Variants in GXYLT1 observed in about 807,000 individuals in gnomAD.
The protein encoded by GXYLT1 is glycosyltransferase 8 domain containing 3.
Under a neutral mutation model 54.0 loss-of-function variants are expected in GXYLT1, and 29 were observed. The observed-to-expected ratio is 0.54, with a 90% CI of 0.40 to 0.73. The LOEUF (loss-of-function observed/expected upper bound fraction) is 0.73, where lower values mean the gene tolerates loss of function less well. GXYLT1 is among the 30% of genes least tolerant of loss of function. GXYLT1 has a pLI of 0.00. For synonymous variants in GXYLT1, 176 were observed against 204.1 expected, an observed-to-expected ratio of 0.86 and a Z score of 1.17; for missense variants, 490 against 553.4, an observed-to-expected ratio of 0.89 and a Z score of 1.15.
At chr12:42,142,093 T>C (rs566166787) in intron 1 of GXYLT1, among the ~76,000 whole-genome samples, 13 of 152,284 alleles carry the variant, frequency 8.5e-5, no homozygotes, top group African/African-American at 3.1e-4. Context: ...AAAAATGCAA[T>C]AATACCTAAG....
At chr12:42,121,146 C>T (rs1430058710) in intron 2 of GXYLT1, among the ~76,000 whole-genome samples, 4 of 152,180 alleles carry the variant, frequency 2.6e-5, no homozygotes, top group African/African-American at 7.2e-5. Context: ...GCCTCCAGAT[C>T]CTACTTGTCA....
chr12:42,116,273 G>A (rs1202601699), intron 3 of GXYLT1, among the ~76,000 whole-genome samples: 1 of 152,212 alleles, frequency 6.6e-6, no homozygotes, highest in East Asian at 1.9e-4. Context: ...AGCCAAAATT[G>A]ACAAATGGGA....
Position 42,086,195 on chromosome 12 carries a change from T to A in GXYLT1, c.*1591A>T, listed in dbSNP as rs1469828299. On this transcript the variant is annotated 3_prime_UTR_variant, in exon 8 of 8. Coordinates refer to ENST00000398675, the MANE Select transcript of GXYLT1 (RefSeq NM_173601.2). Reference sequence around the variant, plus strand: ...AGCTCAATTTCACAGTTTCTTATATTCACCATGGCATTCTGCCAAGGAACT... The same window carrying A: ...AGCTCAATTTCACAGTTTCTTATATACACCATGGCATTCTGCCAAGGAACT... 1 of 148,286 alleles carries A rather than the reference T, an allele frequency of 6.7e-6. No individual in the cohort carries two copies. Among genetic ancestry groups the A allele is most frequent in the Non-Finnish European group, 1.5e-5 (1 of 66,676 alleles). The allele number at this position is 148,286 out of a possible 1,614,324, so 9.2% of individuals were successfully genotyped here.
chr12:42,117,374 G>T (rs1189363454), intron 3 of GXYLT1, among the ~76,000 whole-genome samples: 10 of 151,704 alleles, frequency 6.6e-5, no homozygotes, highest in Non-Finnish European at 1.5e-4. Context: ...TAAACAGTAA[G>T]AAGGTATACT....
At position 42,144,682 on chromosome 12, in the gene GXYLT1, GCGC is replaced by G. The variant is rs772219843; in HGVS notation, c.-39_-37del. ...GCGCTCCTCCTTCGCCGCCGCCGCCGCGCCCGCCCCGACGAACTGGAGCGGAGG... is the reference window on the plus strand; with the variant it reads ...GCGCTCCTCCTTCGCCGCCGCCGCCGCCGCCCCGACGAACTGGAGCGGAGG... On this transcript the variant is annotated 5_prime_UTR_variant, in exon 1 of 8. Coordinates refer to ENST00000398675, the MANE Select transcript of GXYLT1 (RefSeq NM_173601.2). The G allele has an allele frequency of 3.0e-5, 41 of 1,371,584 alleles. No individual in the cohort carries two copies. Among genetic ancestry groups the G allele is most frequent in the South Asian group, 3.0e-5 (2 of 66,020 alleles). 85.0% of individuals were successfully genotyped at this position (1,371,584 alleles called of 1,614,324 possible).
rs1391248654 is a variant in GXYLT1 at position 42,082,412 on chromosome 12, A to G, written c.*5374T>C. On this transcript the variant is annotated 3_prime_UTR_variant, in exon 8 of 8. Transcript: ENST00000398675. ...GGATTATTTTTGCCTGACAAAAATAATATTCCAATATTCCCTGAAGAGGTT... is the reference window on the plus strand; with the variant it reads ...GGATTATTTTTGCCTGACAAAAATAGTATTCCAATATTCCCTGAAGAGGTT... 6.6e-6 allele frequency: 1 copy of G among 152,240 alleles called. No individual in the cohort carries two copies. The highest frequency in any genetic ancestry group is 1.5e-5 in the Non-Finnish European group (1 of 68,050). 9.4% of individuals were successfully genotyped at this position (152,240 alleles called of 1,614,324 possible).
At chr12:42,098,784 T>TATATATATATATATAAAA (rs1017764424) in intron 5 of GXYLT1, among the ~76,000 whole-genome samples, 1 of 134,416 alleles carries the variant, frequency 7.4e-6, no homozygotes, top group Admixed American at 7.5e-5. Flanking sequence ...TATATATATA[T>TATATATATATATATAAAA]AATACATGTG....
At chr12:42,120,296 T>C (rs754408393) in intron 2 of GXYLT1, among the ~76,000 whole-genome samples, 11 of 152,144 alleles carry the variant, frequency 7.2e-5, no homozygotes, top group Non-Finnish European at 1.6e-4. Context: ...CAAGAAAAAA[T>C]GTCCTTCACA....
At chr12:42,097,342 G>C (rs1368602716) in intron 7 of GXYLT1, 100 bp downstream of exon 7, 1 of 841,268 alleles carries the variant, frequency 1.2e-6, no homozygotes. Flanking sequence ...AGATGAGGCT[G>C]AGTGTGTGTA....
At chr12:42,114,228 G>C (rs1440946463) in intron 3 of GXYLT1, among the ~76,000 whole-genome samples, 1 of 152,120 alleles carries the variant, frequency 6.6e-6, no homozygotes, top group African/African-American at 2.4e-5. Flanking sequence ...AGCTAGAAAA[G>C]CAAGAGCAAA....
chr12:42,118,479 C>T (rs192862198), intron 3 of GXYLT1, among the ~76,000 whole-genome samples: 10 of 152,308 alleles, frequency 6.6e-5, no homozygotes, highest in Admixed American at 2.6e-4. Context: ...CACGTTAGAT[C>T]TGGACTCAGA....
At chr12:42,117,878 G>C (rs1242562845) in intron 3 of GXYLT1, among the ~76,000 whole-genome samples, 1 of 152,050 alleles carries the variant, frequency 6.6e-6, no homozygotes, top group Non-Finnish European at 1.5e-5. Flanking sequence ...CAGACCAATG[G>C]GATACTGGCA....
chr12:42,121,319 T>C lies in GXYLT1; in HGVS notation c.315-2148A>G, dbSNP rs552561422. ...ATCAGCTATATACACAGACAAGAAG[T>C]ATATTAAACCTAAAGAAACATTAGC... is the stretch of plus-strand genomic sequence containing the variant. On this transcript the variant is annotated intron_variant, in intron 2 of 7. Transcript: ENST00000398675. Among the ~76,000 whole-genome samples, 10 of 152,216 alleles carry C rather than the reference T, an allele frequency of 6.6e-5. No homozygotes were observed. In the East Asian group the frequency reaches 1.9e-3, roughly 29 times the overall value.
chr12:42,110,470 A>G (rs2065446706), intron 3 of GXYLT1, among the ~76,000 whole-genome samples: 1 of 152,242 alleles, frequency 6.6e-6, no homozygotes, highest in Non-Finnish European at 1.5e-5. Flanking sequence ...TCATTTCTAA[A>G]ACACTAATAT....
At position 42,144,665 on chromosome 12, in the gene GXYLT1, C is replaced by A; in HGVS notation, c.-19G>T. 2 of 1,409,048 alleles carry A rather than the reference C, an allele frequency of 1.4e-6. No homozygotes were observed. Among genetic ancestry groups the A allele is most frequent in the Non-Finnish European group, 9.3e-7 (1 of 1,076,642 alleles). 87.3% of individuals were successfully genotyped at this position (1,409,048 alleles called of 1,614,324 possible). ...GCCGCATCGCCCCGGCCGCGCTCCT[C>A]CTTCGCCGCCGCCGCCGCGCCCGCC... On this transcript the variant is annotated 5_prime_UTR_variant, in exon 1 of 8. Transcript: ENST00000398675.
intron 2 of GXYLT1, among the ~76,000 whole-genome samples, chr12:42,122,576 C>T (rs1203889588): frequency 3.3e-5 from 5 of 151,732 alleles, no homozygotes; most frequent in African/African-American, 4.8e-5. Context: ...GGCAACAGAG[C>T]GAGACTCTTT....
rs1331762303 is a variant in GXYLT1 at position 42,085,430 on chromosome 12, A to C, written c.*2356T>G. 1 of 152,286 alleles carries C rather than the reference A, an allele frequency of 6.6e-6. No individual in the cohort carries two copies. The highest frequency in any genetic ancestry group is 1.5e-5 in the Non-Finnish European group (1 of 68,050). The allele number at this position is 152,286 out of a possible 1,614,324, so 9.4% of individuals were successfully genotyped here. Reference sequence around the variant, plus strand: ...CCCATGGGGCTGAGATTCTCCGTTCACTGAGGAAATTTTATCTTATCAAAC... The same window carrying C: ...CCCATGGGGCTGAGATTCTCCGTTCCCTGAGGAAATTTTATCTTATCAAAC... On this transcript the variant is annotated 3_prime_UTR_variant, in exon 8 of 8. Transcript: ENST00000398675.
rs540787438 is a variant in GXYLT1, at chr12:42,089,921, G to A, written c.1162-1974C>T. The stretch of plus-strand genomic sequence containing the variant: ...AAAAAACACTTGAACAACTGGTTGA[G>A]TGGCAGAAAATTATGGGAAGCCCAA... On this transcript the variant is annotated intron_variant, in intron 7 of 7. Coordinates refer to ENST00000398675, the MANE Select transcript of GXYLT1 (RefSeq NM_173601.2). Among the ~76,000 whole-genome samples the A allele has an allele frequency of 4.7e-4, 71 of 152,292 alleles. 1 individual carries two copies. The South Asian group carries it at 9.1e-3, about 20-fold the overall frequency.
chr12:42,138,470 T>C (rs2065633532), intron 1 of GXYLT1, among the ~76,000 whole-genome samples: 2 of 152,114 alleles, frequency 1.3e-5, no homozygotes, highest in African/African-American at 2.4e-5. Context: ...TAAGTTAGCA[T>C]CACACAATAT....
Sources: allele counts gnomAD v4.1 joint callset (sites outside exome capture counted in the v4.1 genomes callset), GRCh38; gene constraint gnomAD v4.1.1; transcripts MANE v1.5; gene names NCBI Gene and HGNC (gene_info 2026-07-23, HGNC 2026-07-21).